Variants in MYO9B observed in about 807,000 individuals in gnomAD.
MYO9B encodes myosin IXB, also known as unconventional myosin-IXb.
In MYO9B, 71 loss-of-function variants were observed where a neutral mutation model predicts 229.5. The observed-to-expected ratio is 0.31, with a 90% CI of 0.26 to 0.38. MYO9B has a LOEUF of 0.38. Ranked by LOEUF, MYO9B falls within the 10% of genes least tolerant of loss-of-function variation. MYO9B has a pLI of 1.00. For synonymous variants in MYO9B, 1,185 were observed against 1,235.8 expected, an observed-to-expected ratio of 0.96 and a Z score of 0.86; for missense variants, 2,255 against 2,920.5, an observed-to-expected ratio of 0.77 and a Z score of 5.25.
chr19:17,212,230 C>T lies in MYO9B; in HGVS notation c.6394C>T (p.Gln2132Ter). 1 of 1,582,114 alleles carries T rather than the reference C, an allele frequency of 6.3e-7. No homozygotes were observed. The highest frequency in any genetic ancestry group is 2.3e-5 in the East Asian group (1 of 42,982). Residue 2132 changes from glutamine (Q) to a stop codon, truncating the protein, a stop_gained, in exon 40 of 40, where the codon CAG (glutamine) becomes TAG (stop). Coordinates refer to ENST00000682292, the MANE Select transcript of MYO9B (RefSeq NM_004145.4). LOFTEE classifies it high-confidence loss of function. The surrounding 1 kb of genome is among the most constrained non-coding windows in gnomAD (Gnocchi z 5.4). ...CCTGGAGCCCCTAGAAGAGGATGGC[C>T]AGCCACCTGGGGCCAAGCGGAGGTA... ...GALEPLEEDG[Q>*]PPGAKRRYSD...
At chr19:17,123,466 G>GT (rs2057985459) in intron 2 of MYO9B, among the ~76,000 whole-genome samples, 1 of 150,792 alleles carries the variant, frequency 6.6e-6, no homozygotes, top group African/African-American at 2.5e-5. Context: ...GTGTGATGGA[G>GT]TTTCACTCTT....
chr19:17,210,793 G>A lies in MYO9B; in HGVS notation c.5875G>A (p.Glu1959Lys). 1 of 1,592,026 alleles carries A rather than the reference G, an allele frequency of 6.3e-7. No homozygotes were observed. Among genetic ancestry groups the A allele is most frequent in the Non-Finnish European group, 8.5e-7 (1 of 1,169,834 alleles). Residue 1959 changes from glutamate to lysine, a missense_variant, in exon 38 of 40, where the codon GAG becomes AAG. Transcript: ENST00000682292. ...LLEEEAAGGD[E>K]DREKEILIER... Reference sequence around the variant, plus strand: ...GGAGGAGGAGGCAGCCGGCGGCGATGAGGACCGGGAAAAGGAGATTCTCAT... The same window carrying A: ...GGAGGAGGAGGCAGCCGGCGGCGATAAGGACCGGGAAAAGGAGATTCTCAT...
chr19:17,193,707 A>G lies in MYO9B; in HGVS notation c.3128+645A>G, dbSNP rs1443394930. Among the ~76,000 whole-genome samples, 1 of 152,194 alleles carries G rather than the reference A, an allele frequency of 6.6e-6. No homozygotes were observed. The highest frequency in any genetic ancestry group is 2.4e-5 in the African/African-American group (1 of 41,456). On this transcript the variant is annotated intron_variant, in intron 21 of 39. Transcript: ENST00000682292. The surrounding 1 kb of genome is among the most constrained non-coding windows in gnomAD (Gnocchi z 4.3). ...AGCCTGGCCAATATAGCAAGATGCCATCTCTACACAAAATTAAAGACTTAG... is the reference window on the plus strand; with the variant it reads ...AGCCTGGCCAATATAGCAAGATGCCGTCTCTACACAAAATTAAAGACTTAG...
chr19:17,123,208 G>T (rs1029682630), intron 2 of MYO9B, among the ~76,000 whole-genome samples: 1 of 152,140 alleles, frequency 6.6e-6, no homozygotes, highest in Non-Finnish European at 1.5e-5. Context: ...AGGGCTTCAG[G>T]AAGTTAAAAA....
intron 38 of MYO9B, among the ~76,000 whole-genome samples, chr19:17,211,414 G>A (rs1425540952): frequency 2.6e-5 from 4 of 152,118 alleles, no homozygotes; most frequent in South Asian, 2.1e-4. Context: ...CGGAACCACA[G>A]GTGGTGCACA....
Position 17,078,664 on chromosome 19 carries a change from A to G in MYO9B, c.-59+2790A>G, listed in dbSNP as rs372433423. Among the ~76,000 whole-genome samples, 385 of 152,318 alleles carry G rather than the reference A, an allele frequency of 2.5e-3. 15 individuals carry two copies. In the South Asian group the frequency reaches 0.079, roughly 31 times the overall value. On this transcript the variant is annotated intron_variant, in intron 1 of 39. Transcript: ENST00000682292. ...CAATGCAAGCTTTAGGACAAGGGGG[A>G]TTCCAGCAAGTTTCCTCGGAAGTAG...
chr19:17,087,802 TGC>T (rs1297927944), intron 1 of MYO9B, among the ~76,000 whole-genome samples: 1 of 152,046 alleles, frequency 6.6e-6, no homozygotes, highest in Admixed American at 6.6e-5. Context: ...TGGTGGTGCA[TGC>T]CTGTAATCTG....
At position 17,194,882 on chromosome 19, in the gene MYO9B, G is replaced by A. The variant is rs750441121; in HGVS notation, c.3455G>A (p.Arg1152Gln). The change falls in exon 22 of 40, where the codon CGG (arginine) becomes CAG (glutamine). Residue 1152 changes from arginine (R) to glutamine (Q), a missense_variant. Coordinates refer to ENST00000682292, the MANE Select transcript of MYO9B (RefSeq NM_004145.4). ...PSSREKRESR[R>Q]QRGLEHVKFQ... is the part of the protein sequence containing the mutation. The stretch of plus-strand genomic sequence containing the variant: ...AGCCGGGAGAAGCGTGAGTCGCGTC[G>A]GCAAAGAGGGCTGGAGCACGTCAAG... 2.5e-6 allele frequency: 4 copies of A among 1,613,290 alleles called. No individual in the cohort carries two copies. Among genetic ancestry groups the A allele is most frequent in the Admixed American group, 1.7e-5 (1 of 60,014 alleles).
At chr19:17,194,304 C>T (rs973567782) in intron 21 of MYO9B, among the ~76,000 whole-genome samples, 1 of 152,212 alleles carries the variant, frequency 6.6e-6, no homozygotes, top group African/African-American at 2.4e-5. Context: ...ACAGCCCCAA[C>T]AAGGGTCCTC....
chr19:17,131,426 G>C (rs144058439), intron 2 of MYO9B, among the ~76,000 whole-genome samples: 3,836 of 152,264 alleles, frequency 0.025, 142 homozygotes, highest in African/African-American at 0.081. Context: ...ACGCCACCAT[G>C]CCCGGCTAAT....
chr19:17,106,940 A>G (rs1015403001), intron 2 of MYO9B, among the ~76,000 whole-genome samples: 1 of 152,164 alleles, frequency 6.6e-6, no homozygotes, highest in African/African-American at 2.4e-5. Flanking sequence ...GCGAGCGCCT[A>G]TAATCCCAGG....
At chr19:17,081,843 C>T (rs1327112016) in intron 1 of MYO9B, among the ~76,000 whole-genome samples, 4 of 150,876 alleles carry the variant, frequency 2.7e-5, no homozygotes, top group East Asian at 1.9e-4. Context: ...GGCGAGGACC[C>T]AGCCCAGGGC....
At chr19:17,185,823 C>T (rs2072913352) in intron 17 of MYO9B, 98 bp from the exon 18 acceptor site, 1 of 944,272 alleles carries the variant, frequency 1.1e-6, no homozygotes, top group Non-Finnish European at 1.7e-6. Context: ...ACCCCATCCA[C>T]CCCACACTGA....
chr19:17,197,820 G>C lies in MYO9B; in HGVS notation c.4075G>C (p.Asp1359His). The C allele has an allele frequency of 6.2e-7, 1 of 1,613,738 alleles. No homozygotes were observed. The highest frequency in any genetic ancestry group is 8.5e-7 in the Non-Finnish European group (1 of 1,179,886). Residue 1359 changes from aspartate (D) to histidine (H), a missense_variant, in exon 23 of 40, where the codon GAC (aspartate) becomes CAC (histidine). This residue lies in a region of MYO9B where 679 missense variants were observed against 770.2 expected (regional missense o/e 0.88). Coordinates refer to ENST00000682292, the MANE Select transcript of MYO9B (RefSeq NM_004145.4). The stretch of plus-strand genomic sequence containing the variant: ...GAGGCGCACCTCCTTCTCCACGAGC[G>C]ACGTCTCCAAGCTCCTCCCGTCCCT... ...EERRTSFSTS[D>H]VSKLLPSLAK...
chr19:17,168,076 C>T lies in MYO9B; in HGVS notation c.1793+12C>T. 2 of 1,611,604 alleles carry T rather than the reference C, an allele frequency of 1.2e-6. No individual in the cohort carries two copies. The highest frequency in any genetic ancestry group is 1.7e-6 in the Non-Finnish European group (2 of 1,179,024). Reference sequence around the variant, plus strand: ...GACGAGGAGAGCAAGTGAGTGTCCACACCCCGTCCATCCCGGCACATCTAC... The same window carrying T: ...GACGAGGAGAGCAAGTGAGTGTCCATACCCCGTCCATCCCGGCACATCTAC... On this transcript the variant is annotated intron_variant, in intron 11 of 39. Coordinates refer to ENST00000682292, the MANE Select transcript of MYO9B (RefSeq NM_004145.4).
At chr19:17,097,126 G>T (rs1032922264) in intron 1 of MYO9B, among the ~76,000 whole-genome samples, 1 of 151,682 alleles carries the variant, frequency 6.6e-6, no homozygotes, top group African/African-American at 2.4e-5. Flanking sequence ...CAACATGGCT[G>T]TCTCTACTAA....
At chr19:17,185,048 C>T in intron 17 of MYO9B, 61 bp downstream of exon 17, 2 of 1,608,812 alleles carry the variant, frequency 1.2e-6, no homozygotes, top group Non-Finnish European at 8.5e-7. Context: ...TGTGTAGCTT[C>T]ACCCGACACC....
rs1398545297 is a variant in MYO9B at position 17,103,099 on chromosome 19, G to C, written c.840+542G>C. ...TACCGAAGTGCGGTGGCACACATTT[G>C]TTGTCCCAGCTATTGGAGAGGCTAA... On this transcript the variant is annotated intron_variant, in intron 2 of 39. Coordinates refer to ENST00000682292, the MANE Select transcript of MYO9B (RefSeq NM_004145.4). 6.0e-5 allele frequency among the ~76,000 whole-genome samples: 9 copies of C among 149,348 alleles called. No individual in the cohort carries two copies. In the East Asian group the frequency reaches 1.8e-3, roughly 30 times the overall value.
intron 2 of MYO9B, among the ~76,000 whole-genome samples, chr19:17,115,531 C>T (rs1275156300): frequency 6.9e-6 from 1 of 144,720 alleles, no homozygotes; most frequent in Admixed American, 7.2e-5. Context: ...TTCAGTGGTG[C>T]GATCTCAGTT....
Sources: allele counts gnomAD v4.1 joint callset (sites outside exome capture counted in the v4.1 genomes callset), GRCh38; gene constraint gnomAD v4.1.1; regional missense constraint gnomAD v4.1.1; non-coding constraint Gnocchi (gnomAD v3.1); transcripts MANE v1.5; gene names NCBI Gene and HGNC (gene_info 2026-07-23, HGNC 2026-07-21).